GIGYF2: variants seen among roughly 807,000 people sequenced by gnomAD.
The protein encoded by GIGYF2 is GRB10-interacting GYF protein 2.
Under a neutral mutation model 208.1 loss-of-function variants are expected in GIGYF2, and 25 were observed. The ratio of observed to expected loss-of-function variants is 0.12; its 90% CI spans 0.09 to 0.17. The LOEUF is 0.17. GIGYF2 is among the 10% of genes least tolerant of loss of function. The probability of loss-of-function intolerance (pLI) is 1.00; values close to 1 mark genes in which losing one functional copy is unlikely to be tolerated. For missense variants in GIGYF2, 1,302 were observed against 1,579.4 expected (o/e 0.82, Z 2.98); for synonymous variants, 534 against 543.8 (o/e 0.98, Z 0.25).
At chr2:232,702,605 T>A (rs1019186853) in intron 1 of GIGYF2, among the ~76,000 whole-genome samples, 1 of 152,162 alleles carries the variant, frequency 6.6e-6, no homozygotes, top group Admixed American at 6.6e-5. Flanking sequence ...TTCAATTCAC[T>A]CTTGTCACTT....
At chr2:232,745,748 T>G (rs550480212) in intron 3 of GIGYF2, among the ~76,000 whole-genome samples, 1 of 152,130 alleles carries the variant, frequency 6.6e-6, no homozygotes, top group African/African-American at 2.4e-5. Flanking sequence ...AACCAAGCAT[T>G]GATCATAAAT....
At chr2:232,782,713 T>C (rs990466015) in intron 8 of GIGYF2, 2 of 152,192 alleles carry the variant, frequency 1.3e-5, no homozygotes, top group Non-Finnish European at 2.9e-5. Context: ...ATACAGAGAT[T>C]AGCATGGCCC....
chr2:232,820,354 G>A (rs537808836), intron 21 of GIGYF2, among the ~76,000 whole-genome samples: 6 of 137,784 alleles, frequency 4.4e-5, no homozygotes, highest in Non-Finnish European at 7.6e-5. Context: ...TCACTCTGTC[G>A]CCCAGGCTGG....
chr2:232,838,885 TAA>T (rs777909123), intron 22 of GIGYF2, among the ~76,000 whole-genome samples: 5 of 152,120 alleles, frequency 3.3e-5, no homozygotes, highest in Admixed American at 1.3e-4. Flanking sequence ...TAAAAAATGT[TAA>T]GAGTTGATTA....
Position 232,822,410 on chromosome 2 carries a change from C to T in GIGYF2, c.2529+2425C>T, listed in dbSNP as rs150673643. ...AGTTTATTTTCCAGCAGGCTGGGTG[C>T]AGTGGCTCATGCCTGTAATCTCAGC... is the stretch of plus-strand genomic sequence containing the variant. On this transcript the variant is annotated intron_variant, in intron 21 of 28. Coordinates refer to ENST00000373563, the MANE Select transcript of GIGYF2 (RefSeq NM_001103146.3). 3.5e-3 allele frequency among the ~76,000 whole-genome samples: 536 copies of T among 152,310 alleles called. 3 individuals are homozygous for T. Among genetic ancestry groups the T allele is most frequent in the Middle Eastern group, 0.017 (5 of 294 alleles).
chr2:232,816,910 C>T lies in GIGYF2; in HGVS notation c.2248C>T (p.Arg750Trp), dbSNP rs749181678. 6.2e-7 allele frequency: 1 copy of T among 1,612,338 alleles called. No homozygotes were observed. The change falls in exon 20 of 29, where the codon CGG becomes TGG. Residue 750 changes from arginine to tryptophan, a missense_variant. Physicochemically the swap from Arg to Trp is moderately radical, Grantham distance 101. Coordinates refer to ENST00000373563, the MANE Select transcript of GIGYF2 (RefSeq NM_001103146.3). The stretch of plus-strand genomic sequence containing the variant: ...AAGAGAGGCAGAAATGAGGGCAAAA[C>T]GGGAAGAGGAAGAGCGAAAGAGGCA... ...ERREAEMRAKREEEERKRQEE... is the reference protein window; with the variant it reads ...ERREAEMRAKWEEEERKRQEE...
chr2:232,723,618 C>T (rs950694109), intron 2 of GIGYF2, among the ~76,000 whole-genome samples: 11 of 150,722 alleles, frequency 7.3e-5, no homozygotes, highest in South Asian at 4.2e-4. Context: ...TTAGTAGAGA[C>T]GGGGGTTTCA....
In GIGYF2 at chr2:232,836,298, ATATATATATATATATATATATATATATAT is replaced by A. The variant is rs1559160467; in HGVS notation, c.2766+3206_2766+3234del. Among the ~76,000 whole-genome samples, 40 of 20,562 alleles carry A rather than the reference ATATATATATATATATATATATATATATAT, an allele frequency of 1.9e-3. 7 individuals are homozygous for A. Among genetic ancestry groups the A allele is most frequent in the Non-Finnish European group, 2.4e-3 (22 of 9,036 alleles). 13.5% of individuals were successfully genotyped at this position (20,562 alleles called of 152,430 possible). On this transcript the variant is annotated intron_variant, in intron 22 of 28. Transcript: ENST00000373563. ...TATATATATATATATATATATATAT[ATATATATATATATATATATATATATATAT>A]ATACATATATATACTTATATATTTA...
chr2:232,758,620 C>G (rs932843188), intron 6 of GIGYF2, among the ~76,000 whole-genome samples: 4 of 152,122 alleles, frequency 2.6e-5, no homozygotes, highest in African/African-American at 9.7e-5. Context: ...ATGTCCCACC[C>G]TAAAGTTTTA....
At chr2:232,729,860 C>A in intron 2 of GIGYF2, 1 of 735,040 alleles carries the variant, frequency 1.4e-6, no homozygotes, top group South Asian at 1.4e-5. Flanking sequence ...CTCTTCGTTT[C>A]TTCACTTTTC....
intron 2 of GIGYF2, among the ~76,000 whole-genome samples, chr2:232,713,020 G>C (rs1452688738): frequency 2.0e-5 from 3 of 151,980 alleles, no homozygotes; most frequent in African/African-American, 7.2e-5. Flanking sequence ...TTGAGCGCTT[G>C]AGATGCTACT....
rs1297435659 is a variant in GIGYF2, at chr2:232,761,425, G to A, written c.521G>A (p.Arg174Gln). ...RGDRRFEKPG[R>Q]KDVGRPNFEE... is the part of the protein sequence containing the mutation. Reference sequence around the variant, plus strand: ...GACAGACGTTTTGAAAAACCAGGACGAAAAGATGTAGGTAAGGTTCTTACC... The same window carrying A: ...GACAGACGTTTTGAAAAACCAGGACAAAAAGATGTAGGTAAGGTTCTTACC... Residue 174 changes from arginine (R) to glutamine (Q), a missense_variant, in exon 8 of 29, where the codon CGA (arginine) becomes CAA (glutamine). By Grantham distance (43) the Arg-to-Gln change is conservative. Transcript: ENST00000373563. 3 of 1,600,592 alleles carry A rather than the reference G, an allele frequency of 1.9e-6. No individual in the cohort carries two copies. Among genetic ancestry groups the A allele is most frequent in the East Asian group, 2.2e-5 (1 of 44,744 alleles).
At chr2:232,760,334 G>T (rs759315658) in intron 6 of GIGYF2, 146 bp from the exon 7 acceptor site, 6 of 663,654 alleles carry the variant, frequency 9.0e-6, no homozygotes, top group Non-Finnish European at 1.6e-5. Flanking sequence ...GGTCTCATAA[G>T]TCAAGATCAT....
rs776893530 is a variant in GIGYF2 at position 232,794,849 on chromosome 2, C to G, written c.1384C>G (p.Leu462Val). 1 of 1,613,830 alleles carries G rather than the reference C, an allele frequency of 6.2e-7. No homozygotes were observed. The highest frequency in any genetic ancestry group is 8.5e-7 in the Non-Finnish European group (1 of 1,179,696). The change falls in exon 13 of 29, where the codon CTC becomes GTC. Residue 462 changes from leucine (L) to valine (V), a missense_variant. Physicochemically the swap from Leu to Val is conservative, Grantham distance 32 (BLOSUM62 1). Transcript: ENST00000373563. ...PPPVPNPSPT[L>V]RPVETPVVGA... ...TCCTGTTCCCAATCCTAGTCCTACT[C>G]TCCGGCCAGTTGAAACACCAGTTGT...
chr2:232,728,833 A>G (rs1331159350), intron 2 of GIGYF2, among the ~76,000 whole-genome samples: 1 of 152,216 alleles, frequency 6.6e-6, no homozygotes, highest in Non-Finnish European at 1.5e-5. Flanking sequence ...TCATAGTTTC[A>G]ACAAAAAACA....
At chr2:232,714,535 A>G (rs761941451) in intron 2 of GIGYF2, among the ~76,000 whole-genome samples, 63 of 152,210 alleles carry the variant, frequency 4.1e-4, no homozygotes, top group Non-Finnish European at 8.1e-4. Context: ...GGTAAAATTT[A>G]CATACAATAA....
chr2:232,735,356 C>A, intron 3 of GIGYF2, 118 bp downstream of exon 3: 1 of 742,810 alleles, frequency 1.3e-6, no homozygotes. Context: ...GCTTTATGTG[C>A]CTCGCTGAAA....
chr2:232,804,792 C>A (rs1700510383), intron 14 of GIGYF2, among the ~76,000 whole-genome samples: 1 of 152,146 alleles, frequency 6.6e-6, no homozygotes. Context: ...TGTGCTCAGC[C>A]TGTATTTTTA....
At chr2:232,780,935 T>C (rs1200658358) in intron 8 of GIGYF2, among the ~76,000 whole-genome samples, 1 of 152,028 alleles carries the variant, frequency 6.6e-6, no homozygotes, top group African/African-American at 2.4e-5. Flanking sequence ...GACTTTAATA[T>C]TTATTATTTA....
Sources: allele counts gnomAD v4.1 joint callset (sites outside exome capture counted in the v4.1 genomes callset), GRCh38; gene constraint gnomAD v4.1.1; transcripts MANE v1.5; gene names NCBI Gene and HGNC (gene_info 2026-07-23, HGNC 2026-07-21).